The following GPC5 variants were observed in gnomAD, a reference collection of about 807,000 sequenced individuals.
GPC5 encodes the protein glypican-5.
GPC5 carries 47 observed loss-of-function variants against 53.9 expected under a neutral mutation model. The ratio of observed to expected loss-of-function variants is 0.87; its 90% CI spans 0.69 to 1.11. GPC5 has a LOEUF of 1.11. Ranked by LOEUF, GPC5 falls within the 50% of genes most tolerant of loss-of-function variation. The probability of loss-of-function intolerance (pLI) is 0.00; values close to 1 mark genes in which losing one functional copy is unlikely to be tolerated. For synonymous variants in GPC5, 286 were observed against 263.3 expected, an observed-to-expected ratio of 1.09 and a Z score of -0.84; for missense variants, 748 against 713.1, an observed-to-expected ratio of 1.05 and a Z score of -0.56.
chr13:91,614,315 A>G (rs1401139646), intron 2 of GPC5, among the ~76,000 whole-genome samples: 1 of 152,138 alleles, frequency 6.6e-6, no homozygotes, highest in Non-Finnish European at 1.5e-5. Flanking sequence ...GAAGTCTGGT[A>G]TGAGAATTTC....
intron 7 of GPC5, among the ~76,000 whole-genome samples, chr13:92,800,244 A>G (rs1368334840): frequency 6.6e-6 from 1 of 151,896 alleles, no homozygotes; most frequent in Non-Finnish European, 1.5e-5. Context: ...AAGAATTTAC[A>G]TTAATAAACT....
At chr13:92,385,700 CACATATATACACATATAT>C (rs1179140469) in intron 7 of GPC5, among the ~76,000 whole-genome samples, 7 of 118,494 alleles carry the variant, frequency 5.9e-5, no homozygotes, top group African/African-American at 2.7e-4. Flanking sequence ...TACCTATATA[CACATATATACACATATAT>C]ACATATATAC....
chr13:92,118,360 A>G (rs1290091376), intron 6 of GPC5, among the ~76,000 whole-genome samples: 1 of 152,076 alleles, frequency 6.6e-6, no homozygotes, highest in Non-Finnish European at 1.5e-5. Context: ...TAATATTTTT[A>G]TATATGTTCT....
At chr13:92,798,750 A>T (rs1054761722) in intron 7 of GPC5, among the ~76,000 whole-genome samples, 4 of 151,902 alleles carry the variant, frequency 2.6e-5, no homozygotes, top group Non-Finnish European at 5.9e-5. Flanking sequence ...TCATAGCATT[A>T]AAAAGTTTCT....
chr13:92,568,291 T>C (rs1882920099), intron 7 of GPC5, among the ~76,000 whole-genome samples: 1 of 152,158 alleles, frequency 6.6e-6, no homozygotes, highest in Admixed American at 6.6e-5. Flanking sequence ...CAAAATACCA[T>C]GAGAAAATTC....
At chr13:92,661,117 A>T (rs1374655062) in intron 7 of GPC5, among the ~76,000 whole-genome samples, 1 of 151,938 alleles carries the variant, frequency 6.6e-6, no homozygotes, top group Non-Finnish European at 1.5e-5. Context: ...CTGGGCAACA[A>T]AGTGAAACCC....
At chr13:91,740,957 T>C (rs2036921049) in intron 4 of GPC5, among the ~76,000 whole-genome samples, 1 of 152,070 alleles carries the variant, frequency 6.6e-6, no homozygotes, top group African/African-American at 2.4e-5. Context: ...CCCAGGACAA[T>C]AAATTAAGAT....
At chr13:91,953,330 A>G (rs2040044488) in intron 6 of GPC5, among the ~76,000 whole-genome samples, 1 of 152,168 alleles carries the variant, frequency 6.6e-6, no homozygotes, top group Non-Finnish European at 1.5e-5. Flanking sequence ...CCTGAGAACT[A>G]TATTTCCAAG....
At chr13:92,695,481 G>C (rs1052403649) in intron 7 of GPC5, among the ~76,000 whole-genome samples, 3 of 152,010 alleles carry the variant, frequency 2.0e-5, no homozygotes, top group Non-Finnish European at 4.4e-5. Flanking sequence ...AAAGGTAATA[G>C]ATTGTATTTC....
chr13:91,410,587 C>G (rs965612458), intron 1 of GPC5, among the ~76,000 whole-genome samples: 7 of 151,656 alleles, frequency 4.6e-5, no homozygotes, highest in Admixed American at 4.6e-4. Context: ...ACCTCGTGAT[C>G]CGCCCGCCTT....
Position 91,901,276 on chromosome 13 carries a change from A to T in GPC5, c.1281-6661A>T, listed in dbSNP as rs145495690. 1.5e-3 allele frequency among the ~76,000 whole-genome samples: 223 copies of T among 152,230 alleles called. 1 individual carries two copies. The highest frequency in any genetic ancestry group is 2.9e-3 in the Non-Finnish European group (199 of 67,988). ...TTATATGTAATTATAAAGCCAAATT[A>T]ATGTTAGAGATTAACTTAAAAGTAG... On this transcript the variant is annotated intron_variant, in intron 5 of 7. Transcript: ENST00000377067.
At chr13:92,055,672 A>G (rs899506614) in intron 6 of GPC5, among the ~76,000 whole-genome samples, 18 of 152,216 alleles carry the variant, frequency 1.2e-4, no homozygotes, top group African/African-American at 4.3e-4. Flanking sequence ...CCCATAGGGG[A>G]AGAACCCTGA....
chr13:92,205,142 T>C (rs893474194), intron 7 of GPC5, among the ~76,000 whole-genome samples: 16 of 152,054 alleles, frequency 1.1e-4, no homozygotes, highest in Non-Finnish European at 2.2e-4. Flanking sequence ...CCTCCCAGAG[T>C]GCTGGGATTA....
chr13:91,636,802 TA>T (rs889733320), intron 2 of GPC5, among the ~76,000 whole-genome samples: 15 of 150,206 alleles, frequency 1.0e-4, no homozygotes, highest in Admixed American at 3.3e-4. Context: ...AAAAAATAAT[TA>T]AAAAAAAAAT....
At chr13:91,712,897 T>TAA (rs59807521) in intron 3 of GPC5, among the ~76,000 whole-genome samples, 4 of 150,610 alleles carry the variant, frequency 2.7e-5, no homozygotes. Context: ...CAAACAAAAA[T>TAA]AAAAAACAAG....
chr13:91,882,704 T>TA (rs1465149828), intron 5 of GPC5, among the ~76,000 whole-genome samples: 2 of 135,278 alleles, frequency 1.5e-5, no homozygotes, highest in South Asian at 2.3e-4. Context: ...ATTTCAGTCT[T>TA]AGAGTCTTTC....
At chr13:92,140,824 A>G (rs1026413351) in intron 6 of GPC5, among the ~76,000 whole-genome samples, 1 of 152,196 alleles carries the variant, frequency 6.6e-6, no homozygotes, top group African/African-American at 2.4e-5. Context: ...TTATTTTAAG[A>G]CAGAAAGTGG....
chr13:92,346,293 T>TCCCATA (rs1192547349), intron 7 of GPC5, among the ~76,000 whole-genome samples: 1 of 152,072 alleles, frequency 6.6e-6, no homozygotes, highest in Non-Finnish European at 1.5e-5. Flanking sequence ...CAACTGCAGA[T>TCCCATA]CCCATACAGT....
intron 2 of GPC5, among the ~76,000 whole-genome samples, chr13:91,531,115 T>G (rs921234280): frequency 9.2e-5 from 14 of 152,188 alleles, no homozygotes; most frequent in African/African-American, 2.9e-4. Flanking sequence ...AGCATAATAC[T>G]GAAAGAGTAG....
Sources: gnomAD v4.1 joint callset for allele counts (sites outside exome capture counted in the v4.1 genomes callset) on GRCh38, gnomAD v4.1.1 for gene constraint, MANE v1.5 for transcripts, NCBI Gene and HGNC (gene_info 2026-07-23, HGNC 2026-07-21) for gene names.